VCPIP1: variants seen among roughly 807,000 people sequenced by gnomAD.
The protein encoded by VCPIP1 is valosin containing protein interacting protein 1.
VCPIP1 carries 8 observed loss-of-function variants against 85.0 expected under a neutral mutation model. That is an observed-to-expected ratio of 0.09 (90% confidence interval 0.06 to 0.17). VCPIP1 has a LOEUF of 0.17. Among genes scored for constraint, VCPIP1 ranks in the 10% least tolerant of loss-of-function variants. The pLI is 1.00. For missense variants in VCPIP1, 1,070 were observed against 1,486.3 expected, an observed-to-expected ratio of 0.72 and a Z score of 4.61; for synonymous variants, 543 against 544.5, an observed-to-expected ratio of 1.00 and a Z score of 0.04.
chr8:66,651,132 C>T lies in VCPIP1; in HGVS notation c.2797+326G>A, dbSNP rs1217586210. Among the ~76,000 whole-genome samples the T allele has an allele frequency of 1.1e-4, 16 of 149,854 alleles. No homozygotes were observed. In the East Asian group the frequency reaches 3.1e-3, roughly 29 times the overall value. On this transcript the variant is annotated intron_variant, in intron 2 of 2. Coordinates refer to ENST00000310421, the MANE Select transcript of VCPIP1 (RefSeq NM_025054.5). Reference sequence around the variant, plus strand: ...CCCAGGAGGCAGAGGTTGCAGTGAGCCGAGATCGCGCCATTGCACTCCAGC... The same window carrying T: ...CCCAGGAGGCAGAGGTTGCAGTGAGTCGAGATCGCGCCATTGCACTCCAGC...
intron 2 of VCPIP1, among the ~76,000 whole-genome samples, chr8:66,647,924 C>T (rs1811012235): frequency 6.6e-6 from 1 of 152,072 alleles, no homozygotes; most frequent in South Asian, 2.1e-4. Flanking sequence ...GCTGGGACCA[C>T]AGGCACAAGC....
At chr8:66,637,593 C>T (rs1041430990) in intron 2 of VCPIP1, among the ~76,000 whole-genome samples, 1 of 150,994 alleles carries the variant, frequency 6.6e-6, no homozygotes, top group African/African-American at 2.4e-5. Flanking sequence ...ACAGAATGTT[C>T]AGATTTTATA....
intron 1 of VCPIP1, among the ~76,000 whole-genome samples, chr8:66,656,167 A>T (rs1164387155): frequency 1.3e-5 from 2 of 152,182 alleles, no homozygotes; most frequent in Non-Finnish European, 2.9e-5. Flanking sequence ...AAAGTTTAAG[A>T]GGTCACCATT....
At chr8:66,642,101 A>C (rs1421804865) in intron 2 of VCPIP1, among the ~76,000 whole-genome samples, 1 of 152,182 alleles carries the variant, frequency 6.6e-6, no homozygotes, top group African/African-American at 2.4e-5. Context: ...TACAATTCTT[A>C]TTATGTGACT....
In VCPIP1 at chr8:66,634,545, C is replaced by A; in HGVS notation, c.3625G>T (p.Asp1209Tyr). The part of the protein sequence containing the change: ...VEELEEMDSQ[D>Y]AEMTNTTEPM... ...TCAGTTGTGTTAGTCATCTCAGCAT[C>A]TTGACTATCCATCTCTTCAAGCTCC... The change falls in exon 3 of 3, where the codon GAT becomes TAT. Residue 1209 changes from aspartate to tyrosine, a missense_variant. Physicochemically the swap from Asp to Tyr is radical, Grantham distance 160. Around this residue, in one of 8 missense-constraint regions of VCPIP1, gnomAD observed 255 missense variants for 289.5 expected, o/e 0.88. Coordinates refer to ENST00000310421, the MANE Select transcript of VCPIP1 (RefSeq NM_025054.5). 1.2e-6 allele frequency: 2 copies of A among 1,612,784 alleles called. No individual in the cohort carries two copies. The highest frequency in any genetic ancestry group is 1.7e-6 in the Non-Finnish European group (2 of 1,179,408).
intron 2 of VCPIP1, among the ~76,000 whole-genome samples, chr8:66,646,096 G>A (rs139664257): frequency 0.027 from 3,916 of 146,326 alleles, 179 homozygotes; most frequent in African/African-American, 0.093. Context: ...TTTTGAGACA[G>A]AGTCTTGCTC....
At chr8:66,645,217 A>G (rs549832750) in intron 2 of VCPIP1, among the ~76,000 whole-genome samples, 6 of 152,024 alleles carry the variant, frequency 3.9e-5, no homozygotes, top group African/African-American at 1.4e-4. Context: ...CAGGAGTTCG[A>G]GACCAGCTTG....
chr8:66,638,695 T>C (rs574862784), intron 2 of VCPIP1, among the ~76,000 whole-genome samples: 45 of 151,284 alleles, frequency 3.0e-4, no homozygotes, highest in South Asian at 1.3e-3. Flanking sequence ...AGGAGAATGG[T>C]GTGAACCCAG....
At position 66,632,916 on chromosome 8, in the gene VCPIP1, T is replaced by C. The variant is rs1276801353; in HGVS notation, c.*1585A>G. ...AGATAAAATATAAAGACAAACGTGATAATGTGATAAAAACTAACCCAAATA... is the reference window on the plus strand; with the variant it reads ...AGATAAAATATAAAGACAAACGTGACAATGTGATAAAAACTAACCCAAATA... On this transcript the variant is annotated 3_prime_UTR_variant, in exon 3 of 3. Transcript: ENST00000310421. The C allele has an allele frequency of 1.3e-5, 2 of 152,124 alleles. No homozygotes were observed. Among genetic ancestry groups the C allele is most frequent in the Non-Finnish European group, 2.9e-5 (2 of 67,940 alleles). The allele number at this position is 152,124 out of a possible 1,614,324, so 9.4% of individuals were successfully genotyped here.
intron 2 of VCPIP1, among the ~76,000 whole-genome samples, chr8:66,644,168 G>A (rs1216527119): frequency 1.3e-5 from 2 of 152,114 alleles, no homozygotes; most frequent in Non-Finnish European, 2.9e-5. Context: ...TTTCACTGGT[G>A]AATTCTACCA....
intron 2 of VCPIP1, among the ~76,000 whole-genome samples, chr8:66,637,416 G>A (rs961698606): frequency 1.1e-4 from 17 of 151,066 alleles, no homozygotes; most frequent in Admixed American, 3.3e-4. Flanking sequence ...TGGATATGCC[G>A]GGCACAGTGG....
chr8:66,662,694 A>T (rs1034753038), intron 1 of VCPIP1, among the ~76,000 whole-genome samples: 6 of 151,438 alleles, frequency 4.0e-5, no homozygotes, highest in African/African-American at 1.2e-4. Flanking sequence ...TTATTTATTT[A>T]TTTTTTGAGA....
At chr8:66,644,958 G>C (rs1810980502) in intron 2 of VCPIP1, among the ~76,000 whole-genome samples, 2 of 151,706 alleles carry the variant, frequency 1.3e-5, no homozygotes, top group Non-Finnish European at 2.9e-5. Flanking sequence ...AATTAGCTGG[G>C]TGTGGTGGCC....
chr8:66,656,966 C>T (rs768859038), intron 1 of VCPIP1, among the ~76,000 whole-genome samples: 8 of 152,168 alleles, frequency 5.3e-5, no homozygotes, highest in East Asian at 3.9e-4. Context: ...AGTGCAGTGG[C>T]GCAATCTCTG....
intron 2 of VCPIP1, among the ~76,000 whole-genome samples, chr8:66,637,851 A>G (rs968875448): frequency 2.0e-5 from 3 of 152,242 alleles, no homozygotes; most frequent in Admixed American, 6.5e-5. Context: ...AGGCACCTAT[A>G]GTCCCAGCTA....
chr8:66,643,845 A>T (rs992831231), intron 2 of VCPIP1, among the ~76,000 whole-genome samples: 1 of 151,616 alleles, frequency 6.6e-6, no homozygotes, highest in Non-Finnish European at 1.5e-5. Context: ...TATGAATCCA[A>T]ATGTTTCTTT....
intron 2 of VCPIP1, among the ~76,000 whole-genome samples, chr8:66,645,308 C>T (rs779575407): frequency 3.3e-5 from 5 of 152,074 alleles, no homozygotes; most frequent in Admixed American, 2.0e-4. Flanking sequence ...GTCTCAGCTA[C>T]TCGGGAAGCT....
intron 2 of VCPIP1, among the ~76,000 whole-genome samples, chr8:66,645,090 T>G (rs1271379948): frequency 1.4e-5 from 2 of 138,090 alleles, no homozygotes; most frequent in African/African-American, 5.5e-5. Context: ...CACTCCAGCC[T>G]GGGTGATGGA....
In VCPIP1 at chr8:66,631,760, C is replaced by T. The variant is rs56682762; in HGVS notation, c.*2741G>A. On this transcript the variant is annotated 3_prime_UTR_variant, in exon 3 of 3. Coordinates refer to ENST00000310421, the MANE Select transcript of VCPIP1 (RefSeq NM_025054.5). ...TAAAAATATCTGAAACAGAGTGAAG[C>T]GGGAGAAATGGGTTTGCTCTTTAAC... 6.6e-6 allele frequency: 1 copy of T among 152,310 alleles called. No homozygotes were observed. Among genetic ancestry groups the T allele is most frequent in the South Asian group, 2.1e-4 (1 of 4,832 alleles). The allele number at this position is 152,310 out of a possible 1,614,324, so 9.4% of individuals were successfully genotyped here.
Sources: allele counts gnomAD v4.1 joint callset (sites outside exome capture counted in the v4.1 genomes callset), GRCh38; gene constraint gnomAD v4.1.1; regional missense constraint gnomAD v4.1.1; transcripts MANE v1.5; gene names NCBI Gene and HGNC (gene_info 2026-07-23, HGNC 2026-07-21).